The following CSMD1 variants were observed in gnomAD, a reference collection of about 807,000 sequenced individuals.
The protein encoded by CSMD1 is CUB and Sushi multiple domains 1, also known as CUB and sushi domain-containing protein 1.
CSMD1 carries 213 observed loss-of-function variants against 417.5 expected under a neutral mutation model. That is an observed-to-expected ratio of 0.51 (90% CI 0.46 to 0.57). The LOEUF (loss-of-function observed/expected upper bound fraction) is 0.57, where lower values mean the gene tolerates loss of function less well. CSMD1 is among the 20% of genes least tolerant of loss of function. The pLI is 0.00. For synonymous variants in CSMD1, 2,862 were observed against 1,736.8 expected, an observed-to-expected ratio of 1.65 and a Z score of -16.11; for missense variants, 6,923 against 4,529.7, an observed-to-expected ratio of 1.53 and a Z score of -15.17.
intron 3 of CSMD1, among the ~76,000 whole-genome samples, chr8:4,367,610 G>T (rs1025089702): frequency 1.3e-5 from 2 of 152,004 alleles, no homozygotes; most frequent in South Asian, 2.1e-4. Flanking sequence ...AAATGACATT[G>T]GTACTTTGAT....
At chr8:4,790,934 C>T (rs1014174244) in intron 1 of CSMD1, among the ~76,000 whole-genome samples, 12 of 152,104 alleles carry the variant, frequency 7.9e-5, no homozygotes, top group South Asian at 6.2e-4. Context: ...AAAGACTTAA[C>T]GGCAAAGACT....
chr8:4,175,993 G>T (rs1174034743), intron 3 of CSMD1, among the ~76,000 whole-genome samples: 1 of 152,158 alleles, frequency 6.6e-6, no homozygotes, highest in Non-Finnish European at 1.5e-5. Context: ...CTCTGTCCTT[G>T]AGAGGCTAGC....
intron 4 of CSMD1, among the ~76,000 whole-genome samples, chr8:4,030,243 C>T (rs950999634): frequency 6.6e-6 from 1 of 152,180 alleles, no homozygotes; most frequent in East Asian, 1.9e-4. Flanking sequence ...GGAGCTCTGA[C>T]CCCACATTTC....
chr8:4,280,286 A>C (rs947518114), intron 3 of CSMD1, among the ~76,000 whole-genome samples: 3 of 152,200 alleles, frequency 2.0e-5, no homozygotes, highest in East Asian at 1.9e-4. Flanking sequence ...ACGTTTTTAT[A>C]ATGTAGTATA....
At chr8:3,214,353 G>A (rs1237852697) in intron 30 of CSMD1, 144 bp downstream of exon 30, 1 of 665,182 alleles carries the variant, frequency 1.5e-6, no homozygotes, top group East Asian at 2.8e-5. Flanking sequence ...ATGAATGACT[G>A]ATATTCGTTC....
chr8:3,130,651 C>T (rs1355042652), intron 41 of CSMD1, among the ~76,000 whole-genome samples: 2 of 152,040 alleles, frequency 1.3e-5, no homozygotes, highest in African/African-American at 4.8e-5. Flanking sequence ...ACTCATCGGG[C>T]TTCTCTCCAC....
At chr8:4,930,110 T>C (rs777194322) in intron 1 of CSMD1, among the ~76,000 whole-genome samples, 8 of 152,316 alleles carry the variant, frequency 5.3e-5, no homozygotes, top group Middle Eastern at 3.4e-3. Context: ...GTCACTGTTT[T>C]TGTGTGACCT....
intron 1 of CSMD1, among the ~76,000 whole-genome samples, chr8:4,670,498 A>G (rs1700977747): frequency 6.6e-6 from 1 of 152,222 alleles, no homozygotes; most frequent in Non-Finnish European, 1.5e-5. Context: ...ACTTGAATTC[A>G]TTATTATAAT....
At chr8:4,862,458 TA>T (rs1167066386) in intron 1 of CSMD1, among the ~76,000 whole-genome samples, 1 of 152,036 alleles carries the variant, frequency 6.6e-6, no homozygotes, top group Non-Finnish European at 1.5e-5. Flanking sequence ...GTGACTACAT[TA>T]AAAGTAAAAA....
intron 1 of CSMD1, among the ~76,000 whole-genome samples, chr8:4,969,944 A>G (rs1339242220): frequency 6.6e-6 from 1 of 152,116 alleles, no homozygotes; most frequent in African/African-American, 2.4e-5. Flanking sequence ...AACTGGATGC[A>G]AACATGAAAC....
chr8:3,627,164 A>G (rs1584982607), intron 7 of CSMD1, among the ~76,000 whole-genome samples: 1 of 152,274 alleles, frequency 6.6e-6, no homozygotes, highest in East Asian at 1.9e-4. Flanking sequence ...GAATATGTGC[A>G]GTGCAATTTC....
At chr8:3,155,339 C>G (rs1380903990) in intron 39 of CSMD1, among the ~76,000 whole-genome samples, 1 of 119,496 alleles carries the variant, frequency 8.4e-6, no homozygotes, top group Non-Finnish European at 1.8e-5. Context: ...TTAATTTTTT[C>G]CTTCCAAATC....
intron 3 of CSMD1, among the ~76,000 whole-genome samples, chr8:4,327,079 TTG>T (rs1216483443): frequency 6.6e-6 from 1 of 152,078 alleles, no homozygotes; most frequent in East Asian, 1.9e-4. Context: ...AGAGATGAGG[TTG>T]TAGCATATTC....
intron 3 of CSMD1, among the ~76,000 whole-genome samples, chr8:4,132,388 T>C (rs780949890): frequency 1.3e-5 from 2 of 152,176 alleles, no homozygotes; most frequent in African/African-American, 2.4e-5. Flanking sequence ...GTGCCTATTC[T>C]CTAGTATGGT....
chr8:3,703,985 C>T (rs1394964180), intron 7 of CSMD1, among the ~76,000 whole-genome samples: 3 of 152,244 alleles, frequency 2.0e-5, no homozygotes, highest in Non-Finnish European at 4.4e-5. Flanking sequence ...ACAGGAGAAT[C>T]ACATGAACCC....
At chr8:4,922,450 C>T (rs916444579) in intron 1 of CSMD1, among the ~76,000 whole-genome samples, 2 of 152,102 alleles carry the variant, frequency 1.3e-5, no homozygotes, top group African/African-American at 4.8e-5. Flanking sequence ...GCAATAAGAA[C>T]TTCTAATAAC....
intron 6 of CSMD1, among the ~76,000 whole-genome samples, chr8:3,753,321 T>C (rs1187495007): frequency 6.6e-6 from 1 of 152,220 alleles, no homozygotes; most frequent in Non-Finnish European, 1.5e-5. Context: ...TTACTCATTA[T>C]TAGAAACATA....
chr8:3,116,779 C>G (rs1481895333), intron 42 of CSMD1, among the ~76,000 whole-genome samples: 1 of 152,016 alleles, frequency 6.6e-6, no homozygotes, highest in Admixed American at 6.6e-5. Flanking sequence ...AAGCCAGAGT[C>G]TACCATTTAC....
rs192776669 is a variant in CSMD1, at chr8:4,483,058, C to G, written c.303-62993G>C. ...GAAATCTCATCTTGGATTGGACTCC[C>G]ATAATTCCCATGTGTTGTGGGAGAT... On this transcript the variant is annotated intron_variant, in intron 2 of 69. Transcript: ENST00000635120. Among the ~76,000 whole-genome samples, 443 of 152,256 alleles carry G rather than the reference C, an allele frequency of 2.9e-3. 6 individuals are homozygous for G. Among genetic ancestry groups the G allele is most frequent in the African/African-American group, 0.01 (420 of 41,548 alleles).
Sources: allele counts gnomAD v4.1 joint callset (sites outside exome capture counted in the v4.1 genomes callset), GRCh38; gene constraint gnomAD v4.1.1; transcripts MANE v1.5; gene names NCBI Gene and HGNC (gene_info 2026-07-23, HGNC 2026-07-21).